PTPRZ1: variants seen among roughly 807,000 people sequenced by gnomAD.
PTPRZ1 encodes receptor-type tyrosine-protein phosphatase zeta.
A neutral mutation model predicts 214.1 loss-of-function variants in PTPRZ1; 82 were observed. The observed-to-expected ratio is 0.38, with a 90% confidence interval of 0.32 to 0.46. The LOEUF (loss-of-function observed/expected upper bound fraction) is 0.46, where lower values mean the gene tolerates loss of function less well. PTPRZ1 is among the 20% of genes least tolerant of loss of function. The pLI, the probability that PTPRZ1 is intolerant of heterozygous loss-of-function variation, is 1.00. For synonymous variants in PTPRZ1, 945 were observed against 987.9 expected (o/e 0.96, Z 0.81); for missense variants, 2,603 against 2,748.7 (o/e 0.95, Z 1.19).
chr7:121,938,605 T>A (rs1796156297), intron 2 of PTPRZ1, among the ~76,000 whole-genome samples: 1 of 152,142 alleles, frequency 6.6e-6, no homozygotes, highest in Admixed American at 6.5e-5. Flanking sequence ...GGCCCCCGGG[T>A]CCTTGAGAAA....
At chr7:122,028,959 T>G (rs1799288597) in intron 14 of PTPRZ1, among the ~76,000 whole-genome samples, 1 of 152,040 alleles carries the variant, frequency 6.6e-6, no homozygotes. Flanking sequence ...CTTTTACTTA[T>G]TCCTATTATG....
At chr7:122,042,884 G>A (rs915708441) in intron 22 of PTPRZ1, 141 bp downstream of exon 22, 7 of 882,876 alleles carry the variant, frequency 7.9e-6, no homozygotes, top group East Asian at 2.6e-5. Context: ...TTGTCTCATA[G>A]TTCTGATGTC....
Position 121,952,814 on chromosome 7 carries a change from A to G in PTPRZ1, c.125-15137A>G, listed in dbSNP as rs142670063. Among the ~76,000 whole-genome samples, 3 of 152,342 alleles carry G rather than the reference A, an allele frequency of 2.0e-5. No individual in the cohort carries two copies. In the East Asian group the frequency reaches 5.8e-4, roughly 29 times the overall value. On this transcript the variant is annotated intron_variant, in intron 2 of 29. Transcript: ENST00000393386. ...AACTATTGCAATGAGTCTATTTGCAATGTAAGCTGATGATCAGCTTGTTTT... is the reference window on the plus strand; with the variant it reads ...AACTATTGCAATGAGTCTATTTGCAGTGTAAGCTGATGATCAGCTTGTTTT...
chr7:121,976,038 T>C, intron 4 of PTPRZ1, 135 bp from the exon 5 acceptor site: 1 of 515,360 alleles, frequency 1.9e-6, no homozygotes, highest in Non-Finnish European at 3.4e-6. Context: ...TATTGAAGGA[T>C]GGTAAATGAT....
intron 2 of PTPRZ1, among the ~76,000 whole-genome samples, chr7:121,928,519 G>A (rs1285282865): frequency 6.6e-6 from 1 of 152,004 alleles, no homozygotes; most frequent in Admixed American, 6.6e-5. Flanking sequence ...TTTCAACGGT[G>A]AAATGGGGGG....
intron 6 of PTPRZ1, among the ~76,000 whole-genome samples, chr7:121,979,995 G>A (rs1045197630): frequency 6.6e-6 from 1 of 151,762 alleles, no homozygotes; most frequent in African/African-American, 2.4e-5. Flanking sequence ...CAGAAGAATG[G>A]ATTCCACATT....
At chr7:121,928,242 A>G (rs1795822473) in intron 2 of PTPRZ1, 21 bp downstream of exon 2, 5 of 1,551,838 alleles carry the variant, frequency 3.2e-6, no homozygotes, top group Non-Finnish European at 4.4e-6. Flanking sequence ...TACTTATATA[A>G]TGAGATTTAG....
chr7:121,963,325 T>G (rs1796936615), intron 2 of PTPRZ1, among the ~76,000 whole-genome samples: 5 of 152,180 alleles, frequency 3.3e-5, no homozygotes, highest in Admixed American at 3.3e-4. Context: ...CAGCAAAAAC[T>G]GGCACTAGGG....
At chr7:121,908,434 T>A (rs545364823) in intron 1 of PTPRZ1, 196 of 395,438 alleles carry the variant, frequency 5.0e-4, no homozygotes, top group Non-Finnish European at 5.9e-4. Flanking sequence ...CTTTTAAGAA[T>A]ACTAATGTAT....
intron 8 of PTPRZ1, among the ~76,000 whole-genome samples, chr7:121,986,099 A>C (rs1057340922): frequency 1.3e-5 from 2 of 152,162 alleles, no homozygotes; most frequent in Non-Finnish European, 2.9e-5. Context: ...TTCACAGTTA[A>C]GTGTTAAAGG....
chr7:121,893,396 T>G (rs758417881), intron 1 of PTPRZ1, among the ~76,000 whole-genome samples: 24 of 152,266 alleles, frequency 1.6e-4, no homozygotes, highest in Non-Finnish European at 2.5e-4. Context: ...TGTTCTTTTA[T>G]CTTGCTCCAC....
intron 1 of PTPRZ1, among the ~76,000 whole-genome samples, chr7:121,894,761 A>G (rs1447709698): frequency 6.6e-6 from 1 of 152,034 alleles, no homozygotes; most frequent in African/African-American, 2.4e-5. Flanking sequence ...GATTATTAGA[A>G]TTCTTTGTCT....
chr7:121,896,184 G>C (rs978338155), intron 1 of PTPRZ1, among the ~76,000 whole-genome samples: 1 of 152,136 alleles, frequency 6.6e-6, no homozygotes, highest in East Asian at 1.9e-4. Flanking sequence ...ATTTTATTGT[G>C]ATAAAAACAC....
At chr7:121,897,495 C>A (rs1794822157) in intron 1 of PTPRZ1, among the ~76,000 whole-genome samples, 1 of 152,104 alleles carries the variant, frequency 6.6e-6, no homozygotes, top group African/African-American at 2.4e-5. Flanking sequence ...TCTTGTTTTT[C>A]TACCTTGTTT....
intron 27 of PTPRZ1, among the ~76,000 whole-genome samples, chr7:122,055,379 G>A (rs559968276): frequency 3.0e-4 from 45 of 151,896 alleles, no homozygotes; most frequent in African/African-American, 9.9e-4. Context: ...CACAGTAAAA[G>A]AATAAATTTA....
intron 1 of PTPRZ1, among the ~76,000 whole-genome samples, chr7:121,899,676 C>G (rs1018537751): frequency 6.6e-6 from 1 of 152,086 alleles, no homozygotes; most frequent in Non-Finnish European, 1.5e-5. Flanking sequence ...GGGAAAGGAC[C>G]AGATCTGATT....
At chr7:122,023,560 ATATGTAT>A (rs1799095702) in intron 13 of PTPRZ1, among the ~76,000 whole-genome samples, 1 of 133,322 alleles carries the variant, frequency 7.5e-6, no homozygotes, top group Non-Finnish European at 1.6e-5. Flanking sequence ...TATATATATT[ATATGTAT>A]AATTTTATAT....
In PTPRZ1 at chr7:122,050,240, C is replaced by T. The variant is rs995386498; in HGVS notation, c.6085-1188C>T. ...GGGGGATTGCTTGAGCCCAGGAGTTCGAGACCAGCCTGGGTAATATGGTGA... is the reference window on the plus strand; with the variant it reads ...GGGGGATTGCTTGAGCCCAGGAGTTTGAGACCAGCCTGGGTAATATGGTGA... On this transcript the variant is annotated intron_variant, in intron 23 of 29. Transcript: ENST00000393386. Among the ~76,000 whole-genome samples the T allele has an allele frequency of 7.3e-5, 11 of 151,642 alleles. 2 individuals are homozygous for T. Among genetic ancestry groups the T allele is most frequent in the Middle Eastern group, 6.8e-3 (2 of 294 alleles).
chr7:121,880,808 G>A (rs1207312104), intron 1 of PTPRZ1, among the ~76,000 whole-genome samples: 1 of 152,030 alleles, frequency 6.6e-6, no homozygotes, highest in Admixed American at 6.6e-5. Flanking sequence ...TTCTTGAATA[G>A]GATATGTCAA....
Sources: gnomAD v4.1 joint callset for allele counts (sites outside exome capture counted in the v4.1 genomes callset) on GRCh38, gnomAD v4.1.1 for gene constraint, MANE v1.5 for transcripts, NCBI Gene and HGNC (gene_info 2026-07-23, HGNC 2026-07-21) for gene names.